Variants in SYT13 observed in about 807,000 individuals in gnomAD.
SYT13 encodes synaptotagmin-13.
Under a neutral mutation model 38.6 loss-of-function variants are expected in SYT13, and 21 were observed. That is an observed-to-expected ratio of 0.54 (90% confidence interval 0.39 to 0.78). The LOEUF (loss-of-function observed/expected upper bound fraction) is 0.78. Ranked by LOEUF, SYT13 falls within the 30% of genes least tolerant of loss-of-function variation. SYT13 has a pLI of 0.00. For synonymous variants in SYT13, 241 were observed against 237.6 expected, an observed-to-expected ratio of 1.01 and a Z score of -0.13; for missense variants, 495 against 548.7, an observed-to-expected ratio of 0.90 and a Z score of 0.98.
chr11:45,262,770 A>ACACACACACAC lies in SYT13; in HGVS notation c.184-6880_184-6879insGTGTGTGTGTG, dbSNP rs752434675. Among the ~76,000 whole-genome samples the ACACACACACAC allele has an allele frequency of 2.6e-4, 20 of 75,742 alleles. 1 individual carries two copies. Among genetic ancestry groups the ACACACACACAC allele is most frequent in the Non-Finnish European group, 4.0e-4 (17 of 42,062 alleles). The allele number at this position is 75,742 out of a possible 152,430, so 49.7% of individuals were successfully genotyped here. A position where few individuals can be genotyped will look rare whatever the true frequency, so the allele number is the denominator to read the frequency against. ...ACACACACACACACACACACACACAAATTGAACTGTACACTTAAAAATGGT... is the reference window on the plus strand; with the variant it reads ...ACACACACACACACACACACACACAACACACACACACATTGAACTGTACACTTAAAAATGGT... On this transcript the variant is annotated intron_variant, in intron 1 of 5. Coordinates refer to ENST00000020926, the MANE Select transcript of SYT13 (RefSeq NM_020826.3).
At chr11:45,282,135 C>T (rs1855082086) in intron 1 of SYT13, among the ~76,000 whole-genome samples, 1 of 152,198 alleles carries the variant, frequency 6.6e-6, no homozygotes, top group South Asian at 2.1e-4. Context: ...CCATCATTCT[C>T]GCTTTGCCTC....
chr11:45,271,121 G>C (rs1360194962), intron 1 of SYT13, among the ~76,000 whole-genome samples: 1 of 152,174 alleles, frequency 6.6e-6, no homozygotes, highest in Non-Finnish European at 1.5e-5. Context: ...GGCAGATTCA[G>C]CTAATTGATC....
At chr11:45,275,288 G>C (rs747045526) in intron 1 of SYT13, among the ~76,000 whole-genome samples, 1 of 152,166 alleles carries the variant, frequency 6.6e-6, no homozygotes, top group African/African-American at 2.4e-5. Context: ...GATAGGGAGA[G>C]GAATCAATGA....
chr11:45,246,372 A>G lies in SYT13; in HGVS notation c.976+11T>C, dbSNP rs201778042. The G allele has an allele frequency of 4.7e-4, 763 of 1,613,118 alleles. No individual in the cohort carries two copies. Among genetic ancestry groups the G allele is most frequent in the Non-Finnish European group, 6.1e-4 (724 of 1,179,620 alleles). The stretch of plus-strand genomic sequence containing the variant: ...GGAGGGGCCTTGGCCATCCTCTCAC[A>G]TCTCACTCACCCTTCCCCAGGAGCT... On this transcript the variant is annotated intron_variant, in intron 5 of 5. Coordinates refer to ENST00000020926, the MANE Select transcript of SYT13 (RefSeq NM_020826.3).
chr11:45,271,472 G>A (rs1310991756), intron 1 of SYT13, among the ~76,000 whole-genome samples: 2 of 152,172 alleles, frequency 1.3e-5, no homozygotes, highest in African/African-American at 4.8e-5. Context: ...TGCATCCAGA[G>A]GGGAGCATGC....
intron 2 of SYT13, among the ~76,000 whole-genome samples, chr11:45,255,118 A>T (rs1010239032): frequency 6.6e-6 from 1 of 152,108 alleles, no homozygotes; most frequent in African/African-American, 2.4e-5. Flanking sequence ...CCCATCTCAA[A>T]AAAAATGTGC....
intron 1 of SYT13, among the ~76,000 whole-genome samples, chr11:45,276,195 A>G (rs1855008104): frequency 6.6e-6 from 1 of 152,232 alleles, no homozygotes; most frequent in African/African-American, 2.4e-5. Context: ...ATGCTCAGCA[A>G]TGATAGACTG....
At chr11:45,260,381 G>T (rs1358631006) in intron 1 of SYT13, among the ~76,000 whole-genome samples, 1 of 152,096 alleles carries the variant, frequency 6.6e-6, no homozygotes, top group Non-Finnish European at 1.5e-5. Flanking sequence ...ATCTATATTT[G>T]CACTTAAATA....
chr11:45,263,277 G>T (rs564370682), intron 1 of SYT13, among the ~76,000 whole-genome samples: 2 of 152,304 alleles, frequency 1.3e-5, no homozygotes, highest in East Asian at 3.9e-4. Context: ...TTCCCTTATG[G>T]GGCTTATGTT....
chr11:45,274,547 A>G (rs998791692), intron 1 of SYT13, among the ~76,000 whole-genome samples: 2 of 152,170 alleles, frequency 1.3e-5, no homozygotes, highest in Non-Finnish European at 2.9e-5. Flanking sequence ...CTGGAAATCA[A>G]AGTGTATTTT....
At chr11:45,251,405 A>AAG (rs1185180807) in intron 4 of SYT13, among the ~76,000 whole-genome samples, 1 of 151,586 alleles carries the variant, frequency 6.6e-6, no homozygotes, top group Non-Finnish European at 1.5e-5. Flanking sequence ...AAAAAAAAAA[A>AAG]AAAAATAGTG....
intron 2 of SYT13, among the ~76,000 whole-genome samples, 190 bp downstream of exon 2, chr11:45,255,476 G>A (rs1854732923): frequency 6.6e-6 from 1 of 152,198 alleles, no homozygotes; most frequent in Non-Finnish European, 1.5e-5. Context: ...GTCTGGGGGA[G>A]AAGTGGTATG....
chr11:45,284,521 C>T (rs1855110994), intron 1 of SYT13, among the ~76,000 whole-genome samples: 1 of 152,260 alleles, frequency 6.6e-6, no homozygotes, highest in East Asian at 1.9e-4. Context: ...AGGGGAGAGA[C>T]ACAACCTGGT....
chr11:45,244,788 G>A (rs1854595054), intron 5 of SYT13, among the ~76,000 whole-genome samples: 1 of 152,202 alleles, frequency 6.6e-6, no homozygotes, highest in South Asian at 2.1e-4. Context: ...TGACACTAAA[G>A]TGTAGGAAAC....
At chr11:45,271,546 T>C (rs1418071568) in intron 1 of SYT13, among the ~76,000 whole-genome samples, 2 of 151,996 alleles carry the variant, frequency 1.3e-5, no homozygotes, top group African/African-American at 4.8e-5. Context: ...TGGAAAGGAA[T>C]GGTGAGGCTA....
chr11:45,258,402 C>T (rs1854774442), intron 1 of SYT13: 1 of 152,180 alleles, frequency 6.6e-6, no homozygotes, highest in South Asian at 2.1e-4. Context: ...AGCTGGGTCA[C>T]TTTGGGCAGG....
At chr11:45,275,787 G>A (rs964756720) in intron 1 of SYT13, among the ~76,000 whole-genome samples, 8 of 140,370 alleles carry the variant, frequency 5.7e-5, no homozygotes, top group Non-Finnish European at 9.7e-5. Context: ...AATTAGATGG[G>A]GTTTGCAGGG....
intron 1 of SYT13, 145 bp downstream of exon 1, chr11:45,285,880 C>A: frequency 1.9e-6 from 2 of 1,034,998 alleles, no homozygotes; most frequent in Non-Finnish European, 1.4e-6. Context: ...ACTCCTTGAC[C>A]TGTCCTCCAA....
intron 3 of SYT13, 171 bp downstream of exon 3, chr11:45,254,099 G>A (rs1239734200): frequency 4.1e-5 from 27 of 663,476 alleles, no homozygotes; most frequent in Non-Finnish European, 5.9e-5. Flanking sequence ...GGACTGTTGG[G>A]GTTGGGAGTG....
Sources: allele counts gnomAD v4.1 joint callset (sites outside exome capture counted in the v4.1 genomes callset), GRCh38; gene constraint gnomAD v4.1.1; transcripts MANE v1.5; gene names NCBI Gene and HGNC (gene_info 2026-07-23, HGNC 2026-07-21).